Variants in APOO observed in about 807,000 individuals in gnomAD.
APOO encodes apolipoprotein O.
A neutral mutation model predicts 23.1 loss-of-function variants in APOO; 11 were observed. The ratio of observed to expected loss-of-function variants is 0.48; its 90% CI spans 0.30 to 0.79. The LOEUF (loss-of-function observed/expected upper bound fraction) is 0.79, where lower values mean the gene tolerates loss of function less well. APOO is among the 30% of genes least tolerant of loss of function. APOO has a pLI of 0.07. For synonymous variants in APOO, 59 were observed against 54.8 expected (o/e 1.08, Z -0.34); for missense variants, 160 against 142.7 (o/e 1.12, Z -0.62).
chrX:23,845,274 T>C (rs758224744), intron 7 of APOO, among the ~76,000 whole-genome samples: 1 of 112,497 alleles, frequency 8.9e-6, no homozygotes, highest in African/African-American at 3.2e-5. Flanking sequence ...TCTTAGAATT[T>C]TAGACAGCAA....
At chrX:23,885,783 T>C (rs993624935) in intron 1 of APOO, among the ~76,000 whole-genome samples, 7 of 111,094 alleles carry the variant, frequency 6.3e-5, no homozygotes, top group Non-Finnish European at 1.3e-4. Flanking sequence ...CAGCAAGAAC[T>C]GTGGCCACAA....
chrX:23,882,649 CTTT>C (rs1318433652), intron 1 of APOO, among the ~76,000 whole-genome samples: 1 of 100,166 alleles, frequency 1.0e-5, no homozygotes, highest in Admixed American at 1.1e-4. Flanking sequence ...AATGGACAAA[CTTT>C]TTTTTTTTTT....
At chrX:23,868,016 T>C (rs981813479) in intron 5 of APOO, among the ~76,000 whole-genome samples, 4 of 112,534 alleles carry the variant, frequency 3.6e-5, no homozygotes, top group Non-Finnish European at 7.5e-5. Context: ...ATCATAAACA[T>C]TTAGTTTCCA....
At chrX:23,897,392 C>T (rs1317510458) in intron 1 of APOO, among the ~76,000 whole-genome samples, 1 of 111,994 alleles carries the variant, frequency 8.9e-6, no homozygotes, top group African/African-American at 3.2e-5. Context: ...TCCAGTTGGG[C>T]TATACTGGTT....
chrX:23,890,580 C>T (rs894503005), intron 1 of APOO, among the ~76,000 whole-genome samples: 3 of 112,227 alleles, frequency 2.7e-5, no homozygotes, highest in African/African-American at 6.5e-5. Flanking sequence ...CTGTAGAAAC[C>T]GCACTTTGAG....
chrX:23,844,024 C>T (rs1228261189), intron 7 of APOO, among the ~76,000 whole-genome samples: 1 of 112,142 alleles, frequency 8.9e-6, no homozygotes, highest in Non-Finnish European at 1.9e-5. Flanking sequence ...AAATGTCTGA[C>T]TCCCTCACCA....
chrX:23,887,229 CTTTTTTTTTTTTTT>C (rs765596270), intron 1 of APOO, among the ~76,000 whole-genome samples: 3 of 54,212 alleles, frequency 5.5e-5, no homozygotes, highest in African/African-American at 7.0e-5. Context: ...TTCTTTTTCC[CTTTTTTTTTTTTTT>C]TTTTTTTTTG....
chrX:23,898,438 T>TGC (rs1314521889), intron 1 of APOO, among the ~76,000 whole-genome samples: 2 of 110,866 alleles, frequency 1.8e-5, no homozygotes, highest in Non-Finnish European at 3.8e-5. Flanking sequence ...GACCACCATG[T>TGC]GCACAGAGAA....
intron 7 of APOO, among the ~76,000 whole-genome samples, chrX:23,843,901 T>C (rs1924118707): frequency 8.9e-6 from 1 of 112,084 alleles, no homozygotes; most frequent in Non-Finnish European, 1.9e-5. Flanking sequence ...CAATTTCTGC[T>C]AGCAAAACCA....
At chrX:23,859,504 C>T (rs899426143) in intron 5 of APOO, among the ~76,000 whole-genome samples, 17 of 109,168 alleles carry the variant, frequency 1.6e-4, no homozygotes, top group African/African-American at 4.7e-4. Flanking sequence ...AGTGCAATGG[C>T]GCAATCTTGG....
chrX:23,844,955 T>C (rs1350767293), intron 7 of APOO, among the ~76,000 whole-genome samples: 1 of 111,785 alleles, frequency 8.9e-6, no homozygotes, highest in East Asian at 2.8e-4. Flanking sequence ...CATATGTTCC[T>C]CACATGAGAT....
At chrX:23,841,926 C>T (rs181681543) in intron 7 of APOO, among the ~76,000 whole-genome samples, 42 of 110,906 alleles carry the variant, frequency 3.8e-4, no homozygotes, top group Admixed American at 1.9e-3. Context: ...TTCTTTGTAC[C>T]CTGTCCTTCA....
Position 23,907,814 on chromosome X carries a change from C to CT in APOO, c.-113_-112insA. 1.1e-6 allele frequency: 1 copy of CT among 923,539 alleles called. No homozygotes were observed. The highest frequency in any genetic ancestry group is 1.5e-6 in the Non-Finnish European group (1 of 684,400). 76.1% of individuals were successfully genotyped at this position (923,539 alleles called of 1,213,427 possible). A position where few individuals can be genotyped will look rare whatever the true frequency, so the allele number is the denominator to read the frequency against. On this transcript the variant is annotated 5_prime_UTR_variant, in exon 1 of 9. Coordinates refer to ENST00000379226, the MANE Select transcript of APOO (RefSeq NM_024122.5). Reference sequence around the variant, plus strand: ...CTTGATTTCTCCAACCGCAAGCAGGCAGCGGTGCGGGTGACGGCCGTACTG... The same window carrying CT: ...CTTGATTTCTCCAACCGCAAGCAGGCTAGCGGTGCGGGTGACGGCCGTACTG...
At chrX:23,883,653 AGGCAGAGGGTCT>A (rs1414854924) in intron 1 of APOO, 1 of 112,138 alleles carries the variant, frequency 8.9e-6, no homozygotes, top group Non-Finnish European at 1.9e-5. Context: ...CCTTGCAATA[AGGCAGAGGGTCT>A]AACTGAGCTG....
chrX:23,849,786 C>T (rs772858365), intron 7 of APOO, among the ~76,000 whole-genome samples: 86 of 105,871 alleles, frequency 8.1e-4, no homozygotes, highest in African/African-American at 2.7e-3. Flanking sequence ...CAGCTACTCG[C>T]GAGGCTGAGG....
intron 1 of APOO, among the ~76,000 whole-genome samples, chrX:23,896,945 T>C (rs1239235568): frequency 9.1e-6 from 1 of 110,383 alleles, no homozygotes; most frequent in East Asian, 2.8e-4. Flanking sequence ...CCCAGTAAAG[T>C]TTAGACTTCA....
At chrX:23,894,202 T>A (rs750247978) in intron 1 of APOO, among the ~76,000 whole-genome samples, 1 of 110,148 alleles carries the variant, frequency 9.1e-6, no homozygotes, top group Admixed American at 9.8e-5. Flanking sequence ...TGGAGTGCAG[T>A]GGTGTGATCT....
At chrX:23,899,464 T>A (rs1445925472) in intron 1 of APOO, among the ~76,000 whole-genome samples, 1 of 111,914 alleles carries the variant, frequency 8.9e-6, no homozygotes, top group Non-Finnish European at 1.9e-5. Context: ...TATGCAAAAA[T>A]TAGGAAAAAC....
chrX:23,867,627 C>G (rs925588557), intron 5 of APOO, among the ~76,000 whole-genome samples: 1 of 111,531 alleles, frequency 9.0e-6, no homozygotes, highest in Admixed American at 9.6e-5. Context: ...ACTGCAAGCC[C>G]CGTCTCCCAG....
Sources: gnomAD v4.1 joint callset for allele counts (sites outside exome capture counted in the v4.1 genomes callset) on GRCh38, gnomAD v4.1.1 for gene constraint, MANE v1.5 for transcripts, NCBI Gene and HGNC (gene_info 2026-07-23, HGNC 2026-07-21) for gene names.